The following CENPW variants were observed in gnomAD, a reference collection of about 807,000 sequenced individuals.
The protein encoded by CENPW is cancer-up-regulated gene 2 protein.
A neutral mutation model predicts 11.1 loss-of-function variants in CENPW; 3 were observed. That is an observed-to-expected ratio of 0.27 (90% confidence interval 0.12 to 0.70). The LOEUF (loss-of-function observed/expected upper bound fraction) is 0.70, where lower values mean the gene tolerates loss of function less well. CENPW is among the 30% of genes least tolerant of loss of function. CENPW has a pLI of 0.77. For synonymous variants in CENPW, 38 were observed against 42.0 expected, an observed-to-expected ratio of 0.91 and a Z score of 0.37; for missense variants, 100 against 105.6, an observed-to-expected ratio of 0.95 and a Z score of 0.23.
chr6:126,370,282 A>AT, the CENPW span, among the ~76,000 whole-genome samples: 13 of 150,540 alleles, frequency 8.6e-5, no homozygotes, highest in Middle Eastern at 3.4e-3. Flanking sequence ...GAATTTTAGT[A>AT]TTTTTTTTTC....
At chr6:126,385,069 A>C in the CENPW span, among the ~76,000 whole-genome samples, 3 of 152,126 alleles carry the variant, frequency 2.0e-5, no homozygotes, top group African/African-American at 7.2e-5. Flanking sequence ...ATACTGTCTC[A>C]TACCAGTCAG....
chr6:126,429,476 T>TC, the CENPW span, among the ~76,000 whole-genome samples: 1 of 151,844 alleles, frequency 6.6e-6, no homozygotes, highest in Non-Finnish European at 1.5e-5. Context: ...CTGTGGCACC[T>TC]CCCCCCAACT....
chr6:126,464,835 A>T, the CENPW span, among the ~76,000 whole-genome samples: 1 of 152,292 alleles, frequency 6.6e-6, no homozygotes, highest in East Asian at 1.9e-4. Flanking sequence ...ATATATGCAT[A>T]GGTCCCATTA....
chr6:126,344,175 G>A (rs1780365559), intron 1 of CENPW, among the ~76,000 whole-genome samples: 1 of 152,208 alleles, frequency 6.6e-6, no homozygotes, highest in Non-Finnish European at 1.5e-5. Flanking sequence ...TATCCTTAGA[G>A]TACATTGAGG....
chr6:126,412,398 G>A, the CENPW span, among the ~76,000 whole-genome samples: 1 of 152,000 alleles, frequency 6.6e-6, no homozygotes, highest in African/African-American at 2.4e-5. Context: ...TGGCCTCCTT[G>A]TATCTGAAGA....
chr6:126,367,564 G>C, the CENPW span, among the ~76,000 whole-genome samples: 2 of 152,176 alleles, frequency 1.3e-5, no homozygotes, highest in Non-Finnish European at 2.9e-5. Context: ...AGTAACTCCA[G>C]ATTAGAGTGT....
chr6:126,456,876 A>C, the CENPW span, among the ~76,000 whole-genome samples: 1 of 151,450 alleles, frequency 6.6e-6, no homozygotes, highest in Non-Finnish European at 1.5e-5. Flanking sequence ...CCCATTAAAT[A>C]TGGGCAAAGG....
chr6:126,438,549 C>A, the CENPW span, among the ~76,000 whole-genome samples: 7 of 151,406 alleles, frequency 4.6e-5, no homozygotes, highest in Non-Finnish European at 8.9e-5. Flanking sequence ...CATCTGGGAA[C>A]AAAACATCAT....
At chr6:126,404,509 T>C in the CENPW span, among the ~76,000 whole-genome samples, 1 of 152,096 alleles carries the variant, frequency 6.6e-6, no homozygotes, top group African/African-American at 2.4e-5. Flanking sequence ...TGATTTTCTT[T>C]CTTTTGGGTA....
At chr6:126,454,351 C>T in the CENPW span, among the ~76,000 whole-genome samples, 1 of 151,296 alleles carries the variant, frequency 6.6e-6, no homozygotes, top group African/African-American at 2.4e-5. Context: ...TTCAAAAACA[C>T]TGAAATCATA....
the CENPW span, among the ~76,000 whole-genome samples, chr6:126,438,538 A>C: frequency 6.6e-6 from 1 of 151,662 alleles, no homozygotes; most frequent in African/African-American, 2.4e-5. Context: ...CTGCATTCCT[A>C]CATCTGGGAA....
chr6:126,424,056 T>A, the CENPW span, among the ~76,000 whole-genome samples: 2 of 152,106 alleles, frequency 1.3e-5, no homozygotes, highest in East Asian at 3.9e-4. Context: ...AAATTTGTAT[T>A]AAAAATTTCT....
chr6:126,380,595 A>G, the CENPW span, among the ~76,000 whole-genome samples: 1 of 152,226 alleles, frequency 6.6e-6, no homozygotes, highest in South Asian at 2.1e-4. Context: ...CCTTGAAGCC[A>G]TGGATAGGGG....
downstream of CENPW, among the ~76,000 whole-genome samples, chr6:126,349,242 G>A (rs892009345): frequency 6.6e-6 from 1 of 152,060 alleles, no homozygotes; most frequent in Non-Finnish European, 1.5e-5. Flanking sequence ...CCCATGTACA[G>A]TACACCCAGT....
At chr6:126,476,688 CAGTATG>C in the CENPW span, among the ~76,000 whole-genome samples, 1 of 152,052 alleles carries the variant, frequency 6.6e-6, no homozygotes, top group East Asian at 1.9e-4. Context: ...TAAAATATCT[CAGTATG>C]AGAGAATATC....
chr6:126,438,643 G>C, the CENPW span, among the ~76,000 whole-genome samples: 1 of 151,542 alleles, frequency 6.6e-6, no homozygotes. Flanking sequence ...AAATTAAAGG[G>C]ATCTTGTCAC....
the CENPW span, among the ~76,000 whole-genome samples, chr6:126,390,163 C>T: frequency 2.0e-5 from 3 of 151,854 alleles, no homozygotes; most frequent in Non-Finnish European, 4.4e-5. Context: ...AAATCTGTTA[C>T]TTTTTTTCCA....
the CENPW span, among the ~76,000 whole-genome samples, chr6:126,430,869 G>A: frequency 1.3e-5 from 2 of 151,818 alleles, no homozygotes; most frequent in African/African-American, 2.4e-5. Context: ...GCAGTGAGCC[G>A]AGATGGCGCC....
the CENPW span, among the ~76,000 whole-genome samples, chr6:126,472,758 G>T: frequency 6.6e-6 from 1 of 152,176 alleles, no homozygotes; most frequent in South Asian, 2.1e-4. Flanking sequence ...TTTTACAGCT[G>T]TTCAGCATAT....
Sources: allele counts gnomAD v4.1 joint callset (sites outside exome capture counted in the v4.1 genomes callset), GRCh38; gene constraint gnomAD v4.1.1; transcripts MANE v1.5; gene names NCBI Gene and HGNC (gene_info 2026-07-23, HGNC 2026-07-21).